Variants in FAM184A observed in about 807,000 individuals in gnomAD.
FAM184A encodes the protein family with sequence similarity 184 member A.
Under a neutral mutation model 143.8 loss-of-function variants are expected in FAM184A, and 99 were observed. The ratio of observed to expected loss-of-function variants is 0.69; its 90% CI spans 0.58 to 0.81. FAM184A has a LOEUF of 0.81. Among genes scored for constraint, FAM184A ranks in the 40% least tolerant of loss-of-function variants. The probability of loss-of-function intolerance (pLI) is 0.00; values close to 1 mark genes in which losing one functional copy is unlikely to be tolerated. For missense variants in FAM184A, 1,217 were observed against 1,310.5 expected (o/e 0.93, Z 1.10); for synonymous variants, 427 against 446.4 (o/e 0.96, Z 0.55).
intron 9 of FAM184A, among the ~76,000 whole-genome samples, chr6:118,983,835 A>C (rs1224477731): frequency 6.6e-6 from 1 of 152,080 alleles, no homozygotes; most frequent in African/African-American, 2.4e-5. Flanking sequence ...AGTTTTATAA[A>C]AATTTCAAAA....
intron 16 of FAM184A, chr6:118,963,761 A>AT (rs1562452557): frequency 2.0e-5 from 3 of 150,022 alleles, no homozygotes; most frequent in African/African-American, 7.4e-5. Context: ...CTATGAAGCC[A>AT]ATATATATAT....
At chr6:119,053,293 T>G (rs948652401) in intron 1 of FAM184A, among the ~76,000 whole-genome samples, 1 of 152,230 alleles carries the variant, frequency 6.6e-6, no homozygotes, top group African/African-American at 2.4e-5. Flanking sequence ...TTACAAGTTA[T>G]AGAGGACTTG....
At chr6:119,069,126 A>T (rs1334820359) in intron 1 of FAM184A, 1 of 325,718 alleles carries the variant, frequency 3.1e-6, no homozygotes, top group African/African-American at 2.2e-5. Flanking sequence ...TTTTGCGCCA[A>T]CCTAAATATA....
intron 9 of FAM184A, among the ~76,000 whole-genome samples, chr6:118,984,158 A>AT (rs1554265798): frequency 0.013 from 1,605 of 126,942 alleles, 34 homozygotes; most frequent in African/African-American, 0.035. Flanking sequence ...TTAAAAAAAA[A>AT]ATATATATAT....
At chr6:119,064,179 C>T (rs1787357895) in intron 1 of FAM184A, among the ~76,000 whole-genome samples, 1 of 152,158 alleles carries the variant, frequency 6.6e-6, no homozygotes, top group African/African-American at 2.4e-5. Context: ...AATCTATTAG[C>T]TCCATCCTAC....
chr6:119,018,198 A>ATG (rs139960494), intron 4 of FAM184A, among the ~76,000 whole-genome samples: 1 of 152,076 alleles, frequency 6.6e-6, no homozygotes, highest in African/African-American at 2.4e-5. Flanking sequence ...GTGCGTGTGC[A>ATG]TGTGTGTGTG....
chr6:119,083,660 C>G (rs187048666), upstream of FAM184A, among the ~76,000 whole-genome samples: 1 of 152,294 alleles, frequency 6.6e-6, no homozygotes, highest in African/African-American at 2.4e-5. Flanking sequence ...GACCTTTACT[C>G]CAGTTCCCAA....
At chr6:119,095,586 A>G (rs973219753) in intron 1 of FAM184A, among the ~76,000 whole-genome samples, 5 of 152,074 alleles carry the variant, frequency 3.3e-5, no homozygotes, top group Non-Finnish European at 4.4e-5. Context: ...TTTTAGAGGT[A>G]GGTACTCTGT....
intron 1 of FAM184A, among the ~76,000 whole-genome samples, chr6:119,145,052 C>G (rs570390086): frequency 6.6e-6 from 1 of 152,208 alleles, no homozygotes; most frequent in Non-Finnish European, 1.5e-5. Flanking sequence ...GACCTCTAGG[C>G]ATGGCATGTC....
chr6:119,115,525 C>T (rs981741532), intron 1 of FAM184A, among the ~76,000 whole-genome samples: 1 of 152,078 alleles, frequency 6.6e-6, no homozygotes, highest in South Asian at 2.1e-4. Flanking sequence ...GATCCTGTCT[C>T]TAATTAAAAA....
intron 1 of FAM184A, among the ~76,000 whole-genome samples, chr6:119,076,898 C>G (rs1031714808): frequency 1.3e-5 from 2 of 152,180 alleles, no homozygotes; most frequent in African/African-American, 4.8e-5. Context: ...GCACACCTAA[C>G]AATTTCTGAG....
At chr6:119,028,348 G>A (rs145653124) in intron 1 of FAM184A, among the ~76,000 whole-genome samples, 9 of 152,294 alleles carry the variant, frequency 5.9e-5, no homozygotes, top group Middle Eastern at 3.4e-3. Context: ...CTAATGACAT[G>A]ACTCCTAGTG....
At position 119,108,265 on chromosome 6, in the gene FAM184A, C is replaced by T. The variant is rs550984193; in HGVS notation, c.-202+40813G>A. On this transcript the variant is annotated intron_variant, in intron 1 of 16. Transcript: ENST00000352896. ...CCTTGATATATGATGGGCAAATTCC[C>T]CTTGACACTCTCACCGAATAATTTT... Among the ~76,000 whole-genome samples the T allele has an allele frequency of 1.4e-4, 22 of 152,186 alleles. No homozygotes were observed. The South Asian group carries it at 4.6e-3, about 32-fold the overall frequency.
intron 9 of FAM184A, among the ~76,000 whole-genome samples, chr6:118,993,696 A>G (rs1272932902): frequency 6.6e-6 from 1 of 152,234 alleles, no homozygotes; most frequent in Non-Finnish European, 1.5e-5. Flanking sequence ...AGAAAATTCT[A>G]GATTGCTAAA....
chr6:118,960,228 T>C (rs1330921008), intron 17 of FAM184A, 44 bp from the exon 18 acceptor site: 1 of 1,553,334 alleles, frequency 6.4e-7, no homozygotes, highest in Non-Finnish European at 8.8e-7. Context: ...CATTAAGTCA[T>C]TTTGCAAAAT....
chr6:118,999,824 G>A (rs566415024), intron 9 of FAM184A, among the ~76,000 whole-genome samples: 1 of 152,194 alleles, frequency 6.6e-6, no homozygotes, highest in Non-Finnish European at 1.5e-5. Context: ...GCTGGTAAGA[G>A]AGGTGCACAA....
At chr6:119,034,210 T>C (rs1212753740) in intron 1 of FAM184A, among the ~76,000 whole-genome samples, 1 of 151,324 alleles carries the variant, frequency 6.6e-6, no homozygotes, top group Non-Finnish European at 1.5e-5. Context: ...TCATAGAGTA[T>C]CGCTTAGTGC....
intron 1 of FAM184A, among the ~76,000 whole-genome samples, chr6:119,035,132 G>A (rs958880740): frequency 1.3e-5 from 2 of 152,004 alleles, no homozygotes; most frequent in Admixed American, 6.6e-5. Context: ...GCAACTGGCC[G>A]GTTAGACATT....
intron 3 of FAM184A, 21 bp from the exon 4 acceptor site, chr6:119,020,180 C>T (rs1302332198): frequency 6.7e-7 from 1 of 1,496,072 alleles, no homozygotes; most frequent in African/African-American, 1.4e-5. Flanking sequence ...AAAAGAAAAT[C>T]CCTTCAATTT....
Sources: gnomAD v4.1 joint callset for allele counts (sites outside exome capture counted in the v4.1 genomes callset) on GRCh38, gnomAD v4.1.1 for gene constraint, MANE v1.5 for transcripts, NCBI Gene and HGNC (gene_info 2026-07-23, HGNC 2026-07-21) for gene names.